The following PODXL variants were observed in gnomAD, a reference collection of about 807,000 sequenced individuals.
The protein encoded by PODXL is podocalyxin.
Under a neutral mutation model 48.9 loss-of-function variants are expected in PODXL, and 20 were observed. That is an observed-to-expected ratio of 0.41 (90% CI 0.29 to 0.59). The LOEUF (loss-of-function observed/expected upper bound fraction) is 0.59, where lower values mean the gene tolerates loss of function less well. PODXL is among the 20% of genes least tolerant of loss of function. The probability of loss-of-function intolerance (pLI) is 0.31; values close to 1 mark genes in which losing one functional copy is unlikely to be tolerated. For synonymous variants in PODXL, 295 were observed against 287.4 expected (o/e 1.03, Z -0.27); for missense variants, 606 against 675.1 (o/e 0.90, Z 1.13).
chr7:131,508,383 C>T (rs774452713), intron 5 of PODXL, among the ~76,000 whole-genome samples: 5 of 152,152 alleles, frequency 3.3e-5, no homozygotes, highest in African/African-American at 7.2e-5. Flanking sequence ...AAGCCACAGA[C>T]GATTAAAGCA....
intron 1 of PODXL, among the ~76,000 whole-genome samples, chr7:131,545,676 G>A (rs1798563475): frequency 6.6e-6 from 1 of 152,244 alleles, no homozygotes; most frequent in Non-Finnish European, 1.5e-5. Flanking sequence ...CATAGTTAAA[G>A]TACGTTTGGG....
chr7:131,549,323 T>C (rs1798632929), intron 1 of PODXL, among the ~76,000 whole-genome samples: 1 of 152,122 alleles, frequency 6.6e-6, no homozygotes, highest in African/African-American at 2.4e-5. Context: ...GTTTCTCCTC[T>C]CTGGAATGGT....
At position 131,541,668 on chromosome 7, in the gene PODXL, G is replaced by A. The variant is rs1235984385; in HGVS notation, c.100+14592C>T. Among the ~76,000 whole-genome samples the A allele has an allele frequency of 5.9e-4, 80 of 136,744 alleles. 1 individual carries two copies. The highest frequency in any genetic ancestry group is 3.8e-3 in the Middle Eastern group (1 of 260). The allele number at this position is 136,744 out of a possible 152,430, so 89.7% of individuals were successfully genotyped here. A position where few individuals can be genotyped will look rare whatever the true frequency, so the allele number is the denominator to read the frequency against. On this transcript the variant is annotated intron_variant, in intron 1 of 8. Coordinates refer to ENST00000378555, the MANE Select transcript of PODXL (RefSeq NM_001018111.3). Reference sequence around the variant, plus strand: ...AGCCTGGGCAACAGAGCGAGACTCCGTCTCAAAAAAAAAAAAAAAAGACAA... The same window carrying A: ...AGCCTGGGCAACAGAGCGAGACTCCATCTCAAAAAAAAAAAAAAAAGACAA...
intron 8 of PODXL, 52 bp from the exon 9 acceptor site, chr7:131,504,560 T>A: frequency 6.7e-7 from 1 of 1,482,074 alleles, no homozygotes; most frequent in Non-Finnish European, 9.4e-7. Context: ...GGCTCTGAGC[T>A]TAATACAGCG....
chr7:131,526,010 T>G (rs761051837), intron 1 of PODXL, among the ~76,000 whole-genome samples: 5 of 152,200 alleles, frequency 3.3e-5, no homozygotes, highest in Non-Finnish European at 5.9e-5. Context: ...TTCCCAGCTC[T>G]GTCCACTCAG....
At chr7:131,535,541 C>T (rs904816873) in intron 1 of PODXL, among the ~76,000 whole-genome samples, 1 of 152,162 alleles carries the variant, frequency 6.6e-6, no homozygotes, top group Non-Finnish European at 1.5e-5. Context: ...ACACTTTTTC[C>T]ATAAAAGACC....
At chr7:131,543,460 G>A (rs1181147728) in intron 1 of PODXL, among the ~76,000 whole-genome samples, 1 of 152,092 alleles carries the variant, frequency 6.6e-6, no homozygotes, top group African/African-American at 2.4e-5. Context: ...AGCCATGCAG[G>A]CATCACATTC....
intron 1 of PODXL, among the ~76,000 whole-genome samples, chr7:131,512,753 A>G (rs1797935663): frequency 6.6e-6 from 1 of 152,062 alleles, no homozygotes; most frequent in South Asian, 2.1e-4. Context: ...TGAGGCAGGC[A>G]GATCACTTGA....
chr7:131,510,827 C>G lies in PODXL; in HGVS notation c.706+1G>C, dbSNP rs137907090. 1 of 1,614,092 alleles carries G rather than the reference C, an allele frequency of 6.2e-7. No individual in the cohort carries two copies. The highest frequency in any genetic ancestry group is 1.7e-5 in the Admixed American group (1 of 60,018). On this transcript the variant is annotated splice_donor_variant, in intron 2 of 8. Transcript: ENST00000378555. LOFTEE classifies it high-confidence loss of function. ...CTTGAAGAAAACCAGGCATTACTTA[C>G]GTAGGGTGGTGGTCATCCCCGGGCT... is the stretch of plus-strand genomic sequence containing the variant.
intron 1 of PODXL, among the ~76,000 whole-genome samples, chr7:131,549,804 C>T (rs530392810): frequency 1.2e-4 from 19 of 152,228 alleles, no homozygotes; most frequent in Non-Finnish European, 2.6e-4. Flanking sequence ...TGCCACCCTA[C>T]ACCCTGGTCC....
At chr7:131,504,726 G>T (rs962646154) in intron 8 of PODXL, among the ~76,000 whole-genome samples, 25 of 152,140 alleles carry the variant, frequency 1.6e-4, no homozygotes, top group Non-Finnish European at 3.1e-4. Flanking sequence ...TCACCCTGGT[G>T]GCAGAACCTG....
In PODXL at chr7:131,548,806, GCT is replaced by G. The variant is rs369388514; in HGVS notation, c.100+7452_100+7453del. Among the ~76,000 whole-genome samples, 628 of 127,422 alleles carry G rather than the reference GCT, an allele frequency of 4.9e-3. 2 individuals are homozygous for G. Among genetic ancestry groups the G allele is most frequent in the African/African-American group, 0.016 (594 of 36,610 alleles). The allele number at this position is 127,422 out of a possible 152,430, so 83.6% of individuals were successfully genotyped here. On this transcript the variant is annotated intron_variant, in intron 1 of 8. Transcript: ENST00000378555. ...CTCCTGCTTCCTACCAGGAATCCCT[GCT>G]CCTTCCTGCCCATATGCCCCCAGGA...
At position 131,519,602 on chromosome 7, in the gene PODXL, G is replaced by GA. The variant is rs1217348552; in HGVS notation, c.101-8170dup. 3.1e-3 allele frequency among the ~76,000 whole-genome samples: 447 copies of GA among 142,802 alleles called. 3 individuals carry two copies. Among genetic ancestry groups the GA allele is most frequent in the African/African-American group, 9.1e-3 (353 of 38,812 alleles). The allele number at this position is 142,802 out of a possible 152,430, so 93.7% of individuals were successfully genotyped here. ...TCTTTGGAGAGGTTGATCAAAAGGG[G>GA]AAAAAAAAAAATCCAAAGGCATAAG... On this transcript the variant is annotated intron_variant, in intron 1 of 8. Transcript: ENST00000378555.
chr7:131,539,196 T>C (rs1686073806), intron 1 of PODXL, among the ~76,000 whole-genome samples: 1 of 152,174 alleles, frequency 6.6e-6, no homozygotes, highest in Non-Finnish European at 1.5e-5. Flanking sequence ...TGATGCAGCC[T>C]CCACAGAAAA....
At chr7:131,552,554 T>C (rs1798684840) in intron 1 of PODXL, among the ~76,000 whole-genome samples, 1 of 152,152 alleles carries the variant, frequency 6.6e-6, no homozygotes, top group African/African-American at 2.4e-5. Flanking sequence ...CCACCTTCTC[T>C]AGGCCTGGGG....
At chr7:131,524,828 C>A (rs764087155) in intron 1 of PODXL, among the ~76,000 whole-genome samples, 1 of 151,960 alleles carries the variant, frequency 6.6e-6, no homozygotes, top group Non-Finnish European at 1.5e-5. Flanking sequence ...TTTACCATCA[C>A]CCAAAACTGA....
chr7:131,537,228 C>A (rs114517297), intron 1 of PODXL, among the ~76,000 whole-genome samples: 2 of 151,896 alleles, frequency 1.3e-5, no homozygotes, highest in Admixed American at 6.6e-5. Flanking sequence ...GGGAGAATTG[C>A]GTGAGCCCAG....
rs760279609 is a variant in PODXL at position 131,503,997 on chromosome 7, C to T, written c.*314G>A. 42 of 396,202 alleles carry T rather than the reference C, an allele frequency of 1.1e-4. No individual in the cohort carries two copies. The highest frequency in any genetic ancestry group is 1.5e-3 in the Middle Eastern group (2 of 1,322). 24.5% of individuals were successfully genotyped at this position (396,202 alleles called of 1,614,324 possible). A position where few individuals can be genotyped will look rare whatever the true frequency, so the allele number is the denominator to read the frequency against. On this transcript the variant is annotated 3_prime_UTR_variant, in exon 9 of 9. Transcript: ENST00000378555. Reference sequence around the variant, plus strand: ...CAAGTCACTTACCCTCTTCAGGTCTCGGCAATCTCACTGCAGAATGAAGGG... The same window carrying T: ...CAAGTCACTTACCCTCTTCAGGTCTTGGCAATCTCACTGCAGAATGAAGGG...
intron 1 of PODXL, among the ~76,000 whole-genome samples, chr7:131,553,849 G>A (rs759946807): frequency 8.5e-5 from 13 of 152,302 alleles, no homozygotes; most frequent in Admixed American, 1.3e-4. Context: ...CACAAATAAC[G>A]AAACGGAGGC....
Sources: allele counts gnomAD v4.1 joint callset (sites outside exome capture counted in the v4.1 genomes callset), GRCh38; gene constraint gnomAD v4.1.1; transcripts MANE v1.5; gene names NCBI Gene and HGNC (gene_info 2026-07-23, HGNC 2026-07-21).